SPART: variants seen among roughly 807,000 people sequenced by gnomAD.
SPART encodes spartin.
In SPART, 35 loss-of-function variants were observed where a neutral mutation model predicts 58.7. The observed-to-expected ratio is 0.60, with a 90% confidence interval of 0.46 to 0.79. The LOEUF is 0.79. Among genes scored for constraint, SPART ranks in the 30% least tolerant of loss-of-function variants. The pLI is 0.00. For missense variants in SPART, 730 were observed against 786.1 expected (o/e 0.93, Z 0.85); for synonymous variants, 284 against 280.7 (o/e 1.01, Z -0.12).
chr13:36,345,349 TA>T (rs1884987196), intron 1 of SPART, among the ~76,000 whole-genome samples: 1 of 152,216 alleles, frequency 6.6e-6, no homozygotes, highest in Non-Finnish European at 1.5e-5. Context: ...TCTACGATTA[TA>T]AAGAACTGCG....
At chr13:36,311,371 G>T (rs537793735) in intron 8 of SPART, among the ~76,000 whole-genome samples, 42 of 152,154 alleles carry the variant, frequency 2.8e-4, no homozygotes, top group Non-Finnish European at 4.9e-4. Flanking sequence ...CTTAATATAT[G>T]AAATTGAAGA....
Position 36,312,183 on chromosome 13 carries a change from G to A in SPART, c.1695C>T (p.Asn565=). ...TTTGTACAGTTTCTGCTGAAACATT[G>A]TTAACGATGCATTTAGCTGCACATT... ...GLECAAKCIV[N]NVSAETVQTV... Residue 565 remains asparagine, a synonymous_variant, in exon 8 of 9, where the codon AAC becomes AAT. Transcript: ENST00000438666. 6.2e-7 allele frequency: 1 copy of A among 1,614,154 alleles called. No homozygotes were observed. Among genetic ancestry groups the A allele is most frequent in the Non-Finnish European group, 8.5e-7 (1 of 1,180,008 alleles).
rs905969624 is a variant in SPART, at chr13:36,303,014, G to A, written c.*1351C>T. The A allele has an allele frequency of 6.6e-5, 10 of 152,120 alleles. No individual in the cohort carries two copies. The highest frequency in any genetic ancestry group is 3.9e-4 in the Admixed American group (6 of 15,272). 9.4% of individuals were successfully genotyped at this position (152,120 alleles called of 1,614,324 possible). ...CCATTTCTTAAACAAAGCATAGACTGTCTGTAAGCTATTTACCACTTCACT... is the reference window on the plus strand; with the variant it reads ...CCATTTCTTAAACAAAGCATAGACTATCTGTAAGCTATTTACCACTTCACT... On this transcript the variant is annotated 3_prime_UTR_variant, in exon 9 of 9. Coordinates refer to ENST00000438666, the MANE Select transcript of SPART (RefSeq NM_015087.5).
chr13:36,321,562 A>AT (rs1197674114), intron 5 of SPART, among the ~76,000 whole-genome samples: 1 of 151,290 alleles, frequency 6.6e-6, no homozygotes. Flanking sequence ...TTACCACAAG[A>AT]CCTCCCTTCA....
upstream of SPART, among the ~76,000 whole-genome samples, chr13:36,349,092 G>A (rs867009005): frequency 2.0e-5 from 3 of 151,990 alleles, no homozygotes; most frequent in South Asian, 2.1e-4. Flanking sequence ...GAAGAAACCC[G>A]GTCTCTACTA....
chr13:36,310,741 G>C (rs1739282423), intron 8 of SPART, among the ~76,000 whole-genome samples: 1 of 152,034 alleles, frequency 6.6e-6, no homozygotes, highest in African/African-American at 2.4e-5. Flanking sequence ...GTTCACACTT[G>C]TTTTCTTTAA....
chr13:36,356,354 A>T (rs750915183), intron 1 of SPART, among the ~76,000 whole-genome samples: 1 of 152,190 alleles, frequency 6.6e-6, no homozygotes. Flanking sequence ...ATGTCAGTGT[A>T]CTTTATTCAT....
At chr13:36,364,125 C>T (rs753782511) in intron 1 of SPART, among the ~76,000 whole-genome samples, 16 of 152,082 alleles carry the variant, frequency 1.1e-4, no homozygotes, top group African/African-American at 3.1e-4. Context: ...AACGCTATTC[C>T]GTTTTCATTC....
chr13:36,368,019 CA>C (rs546063627), intron 1 of SPART, among the ~76,000 whole-genome samples: 41 of 151,790 alleles, frequency 2.7e-4, no homozygotes, highest in Non-Finnish European at 4.4e-4. Context: ...TAAATATAAT[CA>C]AAAAAAGGAT....
At chr13:36,338,975 T>A (rs1446301864) in intron 1 of SPART, among the ~76,000 whole-genome samples, 1 of 151,352 alleles carries the variant, frequency 6.6e-6, no homozygotes, top group East Asian at 1.9e-4. Context: ...ACGCACACAC[T>A]CACACACAGA....
intron 1 of SPART, among the ~76,000 whole-genome samples, chr13:36,341,769 A>T (rs2137620148): frequency 6.6e-6 from 1 of 152,352 alleles, no homozygotes. Context: ...CAACAACTTC[A>T]TGGTAGTCAA....
chr13:36,341,702 G>A (rs544157247), intron 1 of SPART, among the ~76,000 whole-genome samples: 32 of 152,288 alleles, frequency 2.1e-4, no homozygotes, highest in African/African-American at 6.5e-4. Flanking sequence ...TCTAGCTTCC[G>A]ATTAATAATA....
At chr13:36,324,324 G>T (rs7358890) in intron 5 of SPART, among the ~76,000 whole-genome samples, 89,091 of 152,040 alleles carry the variant, frequency 0.59, 27,475 homozygotes, top group Non-Finnish European at 0.69. Flanking sequence ...CAAGTCACTA[G>T]GTAGAAGCCA....
intron 1 of SPART, among the ~76,000 whole-genome samples, chr13:36,357,382 TGGAAAC>T (rs1885663251): frequency 6.6e-6 from 1 of 152,160 alleles, no homozygotes; most frequent in East Asian, 1.9e-4. Context: ...GGCGAGTTGT[TGGAAAC>T]AGTCATTTTC....
intron 1 of SPART, among the ~76,000 whole-genome samples, chr13:36,337,246 GTCTC>G (rs1275413800): frequency 6.6e-6 from 1 of 152,102 alleles, no homozygotes; most frequent in Admixed American, 6.5e-5. Context: ...ATCTCCTCTT[GTCTC>G]TCTCTGTGCC....
Position 36,335,471 on chromosome 13 carries a change from T to C in SPART, c.360A>G (p.Lys120=), listed in dbSNP as rs149730980. Residue 120 remains lysine (K), a synonymous_variant, in exon 2 of 9, where the codon AAA becomes AAG. Coordinates refer to ENST00000438666, the MANE Select transcript of SPART (RefSeq NM_015087.5). ...GCTCTGGTAATTTTTCACACATGTCTTTAGGTGGAAATTCTGGATATAACT... is the reference window on the plus strand; with the variant it reads ...GCTCTGGTAATTTTTCACACATGTCCTTAGGTGGAAATTCTGGATATAACT... ...VPKLYPEFPP[K]DMCEKLPEPQ... 2.3e-4 allele frequency: 370 copies of C among 1,614,162 alleles called. No homozygotes were observed. Among genetic ancestry groups the C allele is most frequent in the Non-Finnish European group, 3.0e-4 (353 of 1,180,026 alleles).
chr13:36,326,186 T>A (rs925045186), intron 5 of SPART: 1 of 290,290 alleles, frequency 3.4e-6, no homozygotes, highest in Admixed American at 5.0e-5. Flanking sequence ...CCTCAGGGGT[T>A]AGGATTTCAA....
chr13:36,324,012 C>T (rs1882669359), intron 5 of SPART, among the ~76,000 whole-genome samples: 1 of 152,148 alleles, frequency 6.6e-6, no homozygotes, highest in Admixed American at 6.5e-5. Context: ...GTACTGCTTC[C>T]GGTAGCACCA....
At chr13:36,364,548 G>T (rs903520429) in intron 1 of SPART, among the ~76,000 whole-genome samples, 1 of 152,106 alleles carries the variant, frequency 6.6e-6, no homozygotes, top group Non-Finnish European at 1.5e-5. Context: ...CCCACGCTTT[G>T]TCAGAAATGG....
Sources: allele counts gnomAD v4.1 joint callset (sites outside exome capture counted in the v4.1 genomes callset), GRCh38; gene constraint gnomAD v4.1.1; transcripts MANE v1.5; gene names NCBI Gene and HGNC (gene_info 2026-07-23, HGNC 2026-07-21).